TTBK1: variants seen among roughly 807,000 people sequenced by gnomAD.
TTBK1 encodes tau tubulin kinase 1.
In TTBK1, 34 loss-of-function variants were observed where a neutral mutation model predicts 108.5. The observed-to-expected ratio is 0.31, with a 90% CI of 0.24 to 0.42. The LOEUF is 0.42. Ranked by LOEUF, TTBK1 falls within the 10% of genes least tolerant of loss-of-function variation. The probability of loss-of-function intolerance (pLI) is 1.00; values close to 1 mark genes in which losing one functional copy is unlikely to be tolerated. For missense variants in TTBK1, 1,539 were observed against 1,826.0 expected (o/e 0.84, Z 2.86); for synonymous variants, 809 against 795.1 (o/e 1.02, Z -0.29).
chr6:43,275,778 C>A (rs1006891286), intron 13 of TTBK1, among the ~76,000 whole-genome samples: 1 of 152,122 alleles, frequency 6.6e-6, no homozygotes, highest in Admixed American at 6.5e-5. Context: ...ACATGCCCCC[C>A]CATTTCCAGC....
At chr6:43,250,903 C>T (rs544689244) in intron 2 of TTBK1, among the ~76,000 whole-genome samples, 11 of 152,352 alleles carry the variant, frequency 7.2e-5, no homozygotes, top group Admixed American at 5.9e-4. Context: ...CGCATCTCCC[C>T]AGAGTTTAAA....
rs1198305023 is a variant in TTBK1 at position 43,285,088 on chromosome 6, GC to G, written c.3683del (p.Pro1228GlnfsTer155). 2.0e-6 allele frequency: 3 copies of G among 1,483,336 alleles called. No homozygotes were observed. The highest frequency in any genetic ancestry group is 2.4e-5 in the Admixed American group (1 of 41,420). 91.9% of individuals were successfully genotyped at this position (1,483,336 alleles called of 1,614,324 possible). A position where few individuals can be genotyped will look rare whatever the true frequency, so the allele number is the denominator to read the frequency against. Reference sequence around the variant, plus strand: ...CAGGGCGAGCCCAAGCCGGAGCCAGGCCCCCAGCGCCGCGCAGCCCGCGCCT... The same window carrying G: ...CAGGGCGAGCCCAAGCCGGAGCCAGGCCCCAGCGCCGCGCAGCCCGCGCCT... ...GPGRAQAGAR[P>X]PAPRSPRLPA... On this transcript the variant is annotated frameshift_variant, in exon 15 of 15. Transcript: ENST00000259750. LOFTEE classifies it high-confidence loss of function. The surrounding 1 kb of genome is among the most constrained non-coding windows in gnomAD (Gnocchi z 4.7).
intron 13 of TTBK1, chr6:43,272,547 C>T (rs2150705034): frequency 3.0e-6 from 3 of 985,380 alleles, no homozygotes; most frequent in Non-Finnish European, 2.4e-6. Context: ...AGCATGTTGT[C>T]CTTTAGGGGG....
intron 13 of TTBK1, among the ~76,000 whole-genome samples, chr6:43,279,207 C>T (rs546139493): frequency 1.3e-3 from 195 of 152,316 alleles, no homozygotes; most frequent in African/African-American, 4.5e-3. Context: ...AAGGGTTCCA[C>T]CTACAACCAT....
At chr6:43,248,679 T>C (rs973169946) in intron 2 of TTBK1, among the ~76,000 whole-genome samples, 12 of 152,262 alleles carry the variant, frequency 7.9e-5, no homozygotes, top group African/African-American at 2.2e-4. Flanking sequence ...ACTGAGATCA[T>C]GCCATTGCAC....
rs1777280006 is a variant in TTBK1, at chr6:43,252,825, G to A, written c.195G>A (p.Glu65=). 6.2e-7 allele frequency: 1 copy of A among 1,613,940 alleles called. No individual in the cohort carries two copies. Among genetic ancestry groups the A allele is most frequent in the African/African-American group, 1.3e-5 (1 of 75,040 alleles). The change falls in exon 3 of 15, where the codon GAG becomes GAA. Residue 65 remains glutamate (E), a synonymous_variant. Coordinates refer to ENST00000259750, the MANE Select transcript of TTBK1 (RefSeq NM_032538.3). ...LTRENVALKV[E]SAQQPKQVLK... ...GGGAGAATGTGGCCCTCAAGGTGGA[G>A]TCAGCCCAGCAGCCCAAGCAGGTCC...
In TTBK1 at chr6:43,253,461, G is replaced by A; in HGVS notation, c.330+97G>A. 1 of 1,597,682 alleles carries A rather than the reference G, an allele frequency of 6.3e-7. No homozygotes were observed. Among genetic ancestry groups the A allele is most frequent in the East Asian group, 2.2e-5 (1 of 44,712 alleles). Reference sequence around the variant, plus strand: ...AAGGTAGACTGTGGCCCTGGGAAAGGGCAGTGGGCACAACCCTTTGGGGTG... The same window carrying A: ...AAGGTAGACTGTGGCCCTGGGAAAGAGCAGTGGGCACAACCCTTTGGGGTG... On this transcript the variant is annotated intron_variant, in intron 4 of 14. Transcript: ENST00000259750. This position sits in a 1 kb window ranked among gnomAD's most constrained non-coding sequence, Gnocchi z 5.8.
intron 2 of TTBK1, among the ~76,000 whole-genome samples, chr6:43,247,086 G>T (rs1263704502): frequency 1.3e-5 from 2 of 152,008 alleles, no homozygotes; most frequent in African/African-American, 4.8e-5. Context: ...GAGGAAGAGG[G>T]GTGGGGGAGG....
intron 13 of TTBK1, among the ~76,000 whole-genome samples, chr6:43,274,937 T>C (rs1046250740): frequency 6.6e-6 from 1 of 151,992 alleles, no homozygotes; most frequent in Non-Finnish European, 1.5e-5. Context: ...TCCTACAACC[T>C]TCCTAGACTC....
rs964501230 is a variant in TTBK1, at chr6:43,243,505, C to A, written c.-258C>A. 5.9e-5 allele frequency among the ~76,000 whole-genome samples: 9 copies of A among 152,006 alleles called. No homozygotes were observed. The highest frequency in any genetic ancestry group is 1.0e-4 in the Non-Finnish European group (7 of 67,938). ...CATTGTGGGCAGCTCCCCGCTCTGC[C>A]GCTGCCGCCGCCGTCGCCCAAGGAG... On this transcript the variant is annotated 5_prime_UTR_variant, in exon 1 of 15. Transcript: ENST00000259750. The surrounding 1 kb of genome is among the most constrained non-coding windows in gnomAD (Gnocchi z 5.5).
chr6:43,255,198 A>AG, intron 7 of TTBK1, 84 bp downstream of exon 7: 1 of 962,610 alleles, frequency 1.0e-6, no homozygotes, highest in Non-Finnish European at 1.6e-6. Flanking sequence ...AGGGGTGGGG[A>AG]GAGGAGAGTG....
rs138343727 is a variant in TTBK1, at chr6:43,263,199, C to T, written c.1835C>T (p.Pro612Leu). 45 of 1,579,298 alleles carry T rather than the reference C, an allele frequency of 2.8e-5. No individual in the cohort carries two copies. In the African/African-American group the frequency reaches 3.8e-4, roughly 13 times the overall value. Reference sequence around the variant, plus strand: ...GCGGAGGAGGACCTGCAGCATTTGCCGCCCCAGCCCCTGCCACCCCAGCTG... The same window carrying T: ...GCGGAGGAGGACCTGCAGCATTTGCTGCCCCAGCCCCTGCCACCCCAGCTG... The part of the protein sequence containing the change: ...ALAEEDLQHL[P>L]PQPLPPQLSQ... Residue 612 changes from proline to leucine, a missense_variant, in exon 13 of 15, where the codon CCG (proline) becomes CTG (leucine). Physicochemically the swap from Pro to Leu is moderately conservative, Grantham distance 98 (BLOSUM62 -3). Transcript: ENST00000259750. The surrounding 1 kb of genome is among the most constrained non-coding windows in gnomAD (Gnocchi z 4.7).
chr6:43,245,932 G>C (rs1339844148), intron 1 of TTBK1, among the ~76,000 whole-genome samples: 1 of 152,126 alleles, frequency 6.6e-6, no homozygotes, highest in East Asian at 1.9e-4. Flanking sequence ...CATGTCTTGA[G>C]TCCATCACCT....
At chr6:43,274,376 TG>T (rs1042012327) in intron 13 of TTBK1, among the ~76,000 whole-genome samples, 2 of 152,096 alleles carry the variant, frequency 1.3e-5, no homozygotes, top group African/African-American at 2.4e-5. Flanking sequence ...TCCCTTTTTC[TG>T]GGGAGGGGTG....
At chr6:43,267,466 A>G (rs1022765517) in intron 13 of TTBK1, among the ~76,000 whole-genome samples, 2 of 151,902 alleles carry the variant, frequency 1.3e-5, no homozygotes, top group East Asian at 1.9e-4. Context: ...ACCTACCTCA[A>G]TTTTCTCAGT....
Position 43,285,522 on chromosome 6 carries a change from GCGCGCGAGCACA to G in TTBK1, c.*151_*162del. The G allele has an allele frequency of 1.8e-6, 2 of 1,098,198 alleles. No individual in the cohort carries two copies. Among genetic ancestry groups the G allele is most frequent in the Non-Finnish European group, 1.1e-6 (1 of 871,722 alleles). 68.0% of individuals were successfully genotyped at this position (1,098,198 alleles called of 1,614,324 possible). A position where few individuals can be genotyped will look rare whatever the true frequency, so the allele number is the denominator to read the frequency against. Reference sequence around the variant, plus strand: ...GCTTTCCGCCTGCACCCGCGAGGACGCGCGCGAGCACACGCGGCGCCCCGCCAGGCCTTAGGG... The same window carrying G: ...GCTTTCCGCCTGCACCCGCGAGGACGCGCGGCGCCCCGCCAGGCCTTAGGG... On this transcript the variant is annotated 3_prime_UTR_variant, in exon 15 of 15. Coordinates refer to ENST00000259750, the MANE Select transcript of TTBK1 (RefSeq NM_032538.3). The surrounding 1 kb of genome is among the most constrained non-coding windows in gnomAD (Gnocchi z 4.7).
chr6:43,254,031 G>A (rs977211021), intron 5 of TTBK1, among the ~76,000 whole-genome samples: 1 of 152,178 alleles, frequency 6.6e-6, no homozygotes, highest in African/African-American at 2.4e-5. Flanking sequence ...TGGAGGGATC[G>A]AGGGAAGGGG....
chr6:43,283,076 G>A lies in TTBK1; in HGVS notation c.2336G>A (p.Gly779Glu). ...GAGGCTGCAGCGGCAGTTGCCTTGGGGGAGGTGCTGGGGCCTCGTAGTGGC... is the reference window on the plus strand; with the variant it reads ...GAGGCTGCAGCGGCAGTTGCCTTGGAGGAGGTGCTGGGGCCTCGTAGTGGC... ...EEEAAAAVAL[G>E]EVLGPRSGSS... is the part of the protein sequence containing the mutation. Residue 779 changes from glycine to glutamate, a missense_variant, in exon 14 of 15, where the codon GGG becomes GAG. Physicochemically the swap from Gly to Glu is moderately conservative, Grantham distance 98. Coordinates refer to ENST00000259750, the MANE Select transcript of TTBK1 (RefSeq NM_032538.3). The surrounding 1 kb of genome is among the most constrained non-coding windows in gnomAD (Gnocchi z 8.1). The A allele has an allele frequency of 6.3e-7, 1 of 1,586,638 alleles. No homozygotes were observed.
At chr6:43,261,093 C>T (rs1349136034) in intron 12 of TTBK1, among the ~76,000 whole-genome samples, 1 of 152,268 alleles carries the variant, frequency 6.6e-6, no homozygotes, top group Non-Finnish European at 1.5e-5. Context: ...CCTAGGTGGC[C>T]TCTCTCAAGG....
Sources: allele counts gnomAD v4.1 joint callset (sites outside exome capture counted in the v4.1 genomes callset), GRCh38; gene constraint gnomAD v4.1.1; non-coding constraint Gnocchi (gnomAD v3.1); transcripts MANE v1.5; gene names NCBI Gene and HGNC (gene_info 2026-07-23, HGNC 2026-07-21).